NCOA2: variants seen among roughly 807,000 people sequenced by gnomAD.
The protein encoded by NCOA2 is nuclear receptor coactivator 2, also known as class E basic helix-loop-helix protein 75.
Under a neutral mutation model 145.1 loss-of-function variants are expected in NCOA2, and 21 were observed. That is an observed-to-expected ratio of 0.14 (90% CI 0.10 to 0.21). The LOEUF (loss-of-function observed/expected upper bound fraction) is 0.21. Among genes scored for constraint, NCOA2 ranks in the 10% least tolerant of loss-of-function variants. The pLI is 1.00. For synonymous variants in NCOA2, 619 were observed against 637.5 expected (o/e 0.97, Z 0.44); for missense variants, 1,472 against 1,837.6 (o/e 0.80, Z 3.64).
chr8:70,341,077 A>G (rs748255785), intron 1 of NCOA2, among the ~76,000 whole-genome samples: 28 of 149,316 alleles, frequency 1.9e-4, no homozygotes, highest in Admixed American at 6.6e-4. Context: ...TGAACTTAAA[A>G]AGTTGAAAAA....
intron 1 of NCOA2, among the ~76,000 whole-genome samples, chr8:70,381,061 G>C (rs1279506516): frequency 6.8e-6 from 1 of 146,456 alleles, no homozygotes; most frequent in Admixed American, 6.9e-5. Flanking sequence ...AACTGAGCAA[G>C]ACACTGTCTC....
At chr8:70,234,994 T>C (rs1281557420) in intron 2 of NCOA2, among the ~76,000 whole-genome samples, 4 of 152,184 alleles carry the variant, frequency 2.6e-5, no homozygotes, top group Non-Finnish European at 4.4e-5. Flanking sequence ...ATGTGAACTT[T>C]ATGTGCGACT....
In NCOA2 at chr8:70,156,382, C is replaced by A. The variant is rs1346694277; in HGVS notation, c.1983G>T (p.Leu661Phe). 7.4e-6 allele frequency: 12 copies of A among 1,613,854 alleles called. No homozygotes were observed. The highest frequency in any genetic ancestry group is 1.0e-5 in the Non-Finnish European group (12 of 1,179,902). ...QMEPSPLASSLSDTNKDSTGS... is the reference protein window; with the variant it reads ...QMEPSPLASSFSDTNKDSTGS... ...CTGTGGAGTCTTTGTTTGTATCCGA[C>A]AAAGAGCTGGCTAAGGGCGAGGGCT... The change falls in exon 11 of 23, where the codon TTG becomes TTT. Residue 661 changes from leucine (L) to phenylalanine (F), a missense_variant. By Grantham distance (22) the Leu-to-Phe change is conservative. Around this residue, in one of 4 missense-constraint regions of NCOA2, gnomAD observed 953 missense variants for 1,062.1 expected, o/e 0.90. Coordinates refer to ENST00000452400, the MANE Select transcript of NCOA2 (RefSeq NM_006540.4).
chr8:70,180,740 G>A (rs918260563), intron 4 of NCOA2, among the ~76,000 whole-genome samples: 6 of 152,126 alleles, frequency 3.9e-5, no homozygotes, highest in Admixed American at 2.0e-4. Flanking sequence ...TATGTCACCA[G>A]GCTGGAGTGC....
the NCOA2 span, among the ~76,000 whole-genome samples, chr8:70,455,475 A>C: frequency 6.6e-6 from 1 of 152,174 alleles, no homozygotes; most frequent in Non-Finnish European, 1.5e-5. Flanking sequence ...AGGATAGTCT[A>C]TTTGTTCTTG....
chr8:70,165,904 C>T (rs556613836), intron 7 of NCOA2, among the ~76,000 whole-genome samples: 1 of 152,304 alleles, frequency 6.6e-6, no homozygotes, highest in African/African-American at 2.4e-5. Context: ...ACTGCAACCT[C>T]CGCCTCTCAG....
chr8:70,294,633 T>A (rs1438100171), intron 2 of NCOA2, among the ~76,000 whole-genome samples: 1 of 152,232 alleles, frequency 6.6e-6, no homozygotes, highest in Non-Finnish European at 1.5e-5. Context: ...AGTCTTCAAA[T>A]ATGAATATGA....
chr8:70,355,892 A>T (rs906224496), intron 1 of NCOA2, among the ~76,000 whole-genome samples: 1 of 152,216 alleles, frequency 6.6e-6, no homozygotes, highest in African/African-American at 2.4e-5. Context: ...TCATTTTCTC[A>T]TACTTCTACT....
At chr8:70,168,713 T>G (rs1813904850) in intron 6 of NCOA2, among the ~76,000 whole-genome samples, 2 of 152,216 alleles carry the variant, frequency 1.3e-5, no homozygotes, top group South Asian at 4.1e-4. Flanking sequence ...GTCAGATTAA[T>G]AAGTTGAAAG....
chr8:70,347,855 A>G (rs1237929309), intron 1 of NCOA2, among the ~76,000 whole-genome samples: 2 of 152,228 alleles, frequency 1.3e-5, no homozygotes, highest in Non-Finnish European at 2.9e-5. Flanking sequence ...ATGCAGCTAC[A>G]TCTCTAAAAT....
At position 70,157,331 on chromosome 8, in the gene NCOA2, C is replaced by T. The variant is rs760931189; in HGVS notation, c.1125-91G>A. The T allele has an allele frequency of 2.3e-5, 26 of 1,137,832 alleles. No individual in the cohort carries two copies. In the African/African-American group the frequency reaches 3.9e-4, roughly 17 times the overall value. 70.5% of individuals were successfully genotyped at this position (1,137,832 alleles called of 1,614,324 possible). On this transcript the variant is annotated intron_variant, in intron 10 of 22. Transcript: ENST00000452400. Reference sequence around the variant, plus strand: ...TTTTAAAAATGATATGGCCTCTTCACCTTAAAAGAACAGGCTACATTTTAA... The same window carrying T: ...TTTTAAAAATGATATGGCCTCTTCATCTTAAAAGAACAGGCTACATTTTAA...
At chr8:70,352,097 T>G (rs1161667183) in intron 1 of NCOA2, among the ~76,000 whole-genome samples, 1 of 152,214 alleles carries the variant, frequency 6.6e-6, no homozygotes, top group Non-Finnish European at 1.5e-5. Flanking sequence ...TACTTTTTCC[T>G]GGATACTCAA....
intron 6 of NCOA2, among the ~76,000 whole-genome samples, chr8:70,169,588 G>T (rs889774773): frequency 6.6e-6 from 1 of 152,146 alleles, no homozygotes; most frequent in Non-Finnish European, 1.5e-5. Context: ...CATGGAACAG[G>T]GTGAGGCAAT....
chr8:70,111,615 A>T lies in NCOA2; in HGVS notation c.*2017T>A, dbSNP rs894403064. ...ATTGAGACCCCTCTCAAGTGGAAAA[A>T]AGTAGCGAAATGCAAATTTCCAGAA... On this transcript the variant is annotated 3_prime_UTR_variant, in exon 23 of 23. Transcript: ENST00000452400. 1 of 216,318 alleles carries T rather than the reference A, an allele frequency of 4.6e-6. No homozygotes were observed. The highest frequency in any genetic ancestry group is 2.3e-5 in the African/African-American group (1 of 44,388). The allele number at this position is 216,318 out of a possible 1,614,324, so 13.4% of individuals were successfully genotyped here.
At chr8:70,422,509 C>T in the NCOA2 span, among the ~76,000 whole-genome samples, 17 of 151,878 alleles carry the variant, frequency 1.1e-4, no homozygotes, top group African/African-American at 3.4e-4. Flanking sequence ...TTCCCAGGGT[C>T]GAGCGATCCT....
intron 1 of NCOA2, among the ~76,000 whole-genome samples, chr8:70,399,204 GT>G (rs1813990423): frequency 6.6e-6 from 1 of 152,120 alleles, no homozygotes; most frequent in South Asian, 2.1e-4. Context: ...ACTTTAGAGA[GT>G]AATATGACAT....
Position 70,297,806 on chromosome 8 carries a change from C to A in NCOA2, c.-76-1006G>T, listed in dbSNP as rs559213390. ...ACAAAGTGCTTCGCTGTAAATGAGC[C>A]TGCAGCTTTTCGTCTGATCCTTCCA... On this transcript the variant is annotated intron_variant, in intron 1 of 22. Coordinates refer to ENST00000452400, the MANE Select transcript of NCOA2 (RefSeq NM_006540.4). Among the ~76,000 whole-genome samples the A allele has an allele frequency of 2.4e-4, 37 of 152,312 alleles. No homozygotes were observed. The South Asian group carries it at 4.6e-3, about 19-fold the overall frequency.
intron 4 of NCOA2, among the ~76,000 whole-genome samples, chr8:70,196,519 A>T (rs1296562584): frequency 1.3e-5 from 2 of 152,242 alleles, no homozygotes; most frequent in East Asian, 3.8e-4. Flanking sequence ...GTTATGACCT[A>T]AAGGTGCTGT....
intron 9 of NCOA2, among the ~76,000 whole-genome samples, chr8:70,160,684 A>AGAGAGAGAGAGAGAGG (rs1554578995): frequency 0.011 from 1,590 of 147,562 alleles, 25 homozygotes; most frequent in African/African-American, 0.041. Context: ...AGAGAGAGGG[A>AGAGAGAGAGAGAGAGG]GAGAGAGAGA....
Sources: allele counts gnomAD v4.1 joint callset (sites outside exome capture counted in the v4.1 genomes callset), GRCh38; gene constraint gnomAD v4.1.1; regional missense constraint gnomAD v4.1.1; transcripts MANE v1.5; gene names NCBI Gene and HGNC (gene_info 2026-07-23, HGNC 2026-07-21).